ARL5A: variants seen among roughly 807,000 people sequenced by gnomAD.
ARL5A encodes ARF like GTPase 5A.
Under a neutral mutation model 25.9 loss-of-function variants are expected in ARL5A, and 18 were observed. The ratio of observed to expected loss-of-function variants is 0.69; its 90% CI spans 0.48 to 1.03. The LOEUF is 1.03. Ranked by LOEUF, ARL5A falls within the 50% of genes least tolerant of loss-of-function variation. ARL5A has a pLI of 0.00. For missense variants in ARL5A, 170 were observed against 211.9 expected (o/e 0.80, Z 1.23); for synonymous variants, 61 against 67.5 (o/e 0.90, Z 0.47).
rs945766890 is a variant in ARL5A, at chr2:151,823,335, C to T, written c.46+4796G>A. ...AATTTTTAAAACTTAAAAGTCTTAA[C>T]AATAAAAAGAAAGTTTGAAAATAAA... On this transcript the variant is annotated intron_variant, in intron 1 of 5. Coordinates refer to ENST00000295087, the MANE Select transcript of ARL5A (RefSeq NM_012097.4). 6.6e-5 allele frequency among the ~76,000 whole-genome samples: 10 copies of T among 151,114 alleles called. No homozygotes were observed. The East Asian group carries it at 1.9e-3, about 29-fold the overall frequency.
chr2:151,808,961 T>C (rs2099830467), intron 4 of ARL5A, among the ~76,000 whole-genome samples: 1 of 152,108 alleles, frequency 6.6e-6, no homozygotes, highest in Non-Finnish European at 1.5e-5. Flanking sequence ...GGGATGAGAA[T>C]AGCTTGAACC....
chr2:151,827,954 C>G, intron 1 of ARL5A, 177 bp downstream of exon 1: 1 of 624,668 alleles, frequency 1.6e-6, no homozygotes. Flanking sequence ...AGGAACCATC[C>G]CCAAGCTCGG....
intron 1 of ARL5A, among the ~76,000 whole-genome samples, chr2:151,819,924 C>T (rs1488378625): frequency 4.6e-5 from 7 of 152,134 alleles, no homozygotes; most frequent in African/African-American, 1.2e-4. Flanking sequence ...GGCATGGTGG[C>T]GTGAGCCTAT....
intron 1 of ARL5A, chr2:151,827,844 G>A (rs1484800951): frequency 2.2e-6 from 1 of 461,432 alleles, no homozygotes. Context: ...GTCGGACCTA[G>A]GGCAAGAAAC....
chr2:151,803,693 G>A (rs567846052), intron 5 of ARL5A, among the ~76,000 whole-genome samples: 6 of 152,178 alleles, frequency 3.9e-5, no homozygotes, highest in African/African-American at 1.4e-4. Context: ...TGCTCTTTTG[G>A]TTCAGTTATA....
rs1255286134 is a variant in ARL5A at position 151,800,937 on chromosome 2, C to G, written c.*2339G>C. ...CATATTAAAAACCCAAAAGCATCTC[C>G]CTCTGCTTAATTCCACTTAAACTAC... On this transcript the variant is annotated 3_prime_UTR_variant, in exon 6 of 6. Transcript: ENST00000295087. 6.6e-6 allele frequency: 1 copy of G among 152,542 alleles called. No homozygotes were observed. The highest frequency in any genetic ancestry group is 1.9e-4 in the East Asian group (1 of 5,200). The allele number at this position is 152,542 out of a possible 1,614,324, so 9.4% of individuals were successfully genotyped here.
At chr2:151,809,322 C>T (rs910697862) in intron 4 of ARL5A, among the ~76,000 whole-genome samples, 2 of 152,036 alleles carry the variant, frequency 1.3e-5, no homozygotes, top group African/African-American at 2.4e-5. Context: ...TTTGTAGAAG[C>T]CCCTGAACTG....
At position 151,800,997 on chromosome 2, in the gene ARL5A, T is replaced by C. The variant is rs567671409; in HGVS notation, c.*2279A>G. On this transcript the variant is annotated 3_prime_UTR_variant, in exon 6 of 6. Transcript: ENST00000295087. ...GCCAATATGACTTTTCACCAGCTTC[T>C]CCATTTTATTTGAAAATAATACTTT... is the stretch of plus-strand genomic sequence containing the variant. The C allele has an allele frequency of 4.8e-4, 73 of 152,730 alleles. No individual in the cohort carries two copies. Among genetic ancestry groups the C allele is most frequent in the African/African-American group, 1.5e-3 (61 of 41,566 alleles). 9.5% of individuals were successfully genotyped at this position (152,730 alleles called of 1,614,324 possible).
chr2:151,809,871 C>T (rs1341046931), intron 4 of ARL5A, among the ~76,000 whole-genome samples: 1 of 152,190 alleles, frequency 6.6e-6, no homozygotes, highest in Non-Finnish European at 1.5e-5. Flanking sequence ...CACCTGAGGT[C>T]AGGAGTTCGA....
chr2:151,822,504 C>T (rs2099832477), intron 1 of ARL5A, among the ~76,000 whole-genome samples: 1 of 152,240 alleles, frequency 6.6e-6, no homozygotes. Context: ...CTCACCACCA[C>T]AGCCTGTTCC....
At chr2:151,809,305 G>T (rs957584478) in intron 4 of ARL5A, among the ~76,000 whole-genome samples, 3 of 152,132 alleles carry the variant, frequency 2.0e-5, no homozygotes, top group Non-Finnish European at 4.4e-5. Flanking sequence ...TCTTAATGAT[G>T]AAATTATTTG....
intron 3 of ARL5A, 41 bp downstream of exon 3, chr2:151,814,128 C>A: frequency 6.7e-7 from 1 of 1,496,472 alleles, no homozygotes; most frequent in Non-Finnish European, 8.9e-7. Flanking sequence ...GTTTTCCAAG[C>A]ATTCTGTTTA....
In ARL5A at chr2:151,816,995, G is replaced by C. The variant is rs1047759247; in HGVS notation, c.47-1796C>G. On this transcript the variant is annotated intron_variant, in intron 1 of 5. Transcript: ENST00000295087. The stretch of plus-strand genomic sequence containing the variant: ...AGGTTAGGTGTAATAAATGTGTTTT[G>C]ACTTAAGTTACTTTCAACTTACAAC... Among the ~76,000 whole-genome samples the C allele has an allele frequency of 2.6e-5, 4 of 152,160 alleles. No homozygotes were observed. In the East Asian group the frequency reaches 7.7e-4, roughly 29 times the overall value.
chr2:151,815,445 A>G (rs2099831374), intron 1 of ARL5A, among the ~76,000 whole-genome samples: 1 of 152,212 alleles, frequency 6.6e-6, no homozygotes, highest in African/African-American at 2.4e-5. Flanking sequence ...CTCTCTAGGA[A>G]GCCATGGCAC....
Position 151,800,111 on chromosome 2 carries a change from C to G in ARL5A, c.*3165G>C, listed in dbSNP as rs1024073024. On this transcript the variant is annotated 3_prime_UTR_variant, in exon 6 of 6. Coordinates refer to ENST00000295087, the MANE Select transcript of ARL5A (RefSeq NM_012097.4). ...ATGATGTGGTATTATCTCCTGTATA[C>G]AAAGCAGAGCCTATTACACGTACAT... 1.3e-5 allele frequency: 2 copies of G among 152,156 alleles called. No individual in the cohort carries two copies. The highest frequency in any genetic ancestry group is 6.5e-5 in the Admixed American group (1 of 15,272). 9.4% of individuals were successfully genotyped at this position (152,156 alleles called of 1,614,324 possible).
intron 1 of ARL5A, among the ~76,000 whole-genome samples, chr2:151,820,683 A>AAAAAAAAG: frequency 1.3e-5 from 2 of 150,896 alleles, no homozygotes; most frequent in African/African-American, 2.4e-5. Context: ...AAAAAAAAAA[A>AAAAAAAAG]AACAGAATCC....
intron 4 of ARL5A, among the ~76,000 whole-genome samples, chr2:151,810,827 T>C (rs1288023875): frequency 6.6e-6 from 1 of 152,168 alleles, no homozygotes; most frequent in African/African-American, 2.4e-5. Flanking sequence ...AAGTAAAAGA[T>C]ATAGTCCAGA....
intron 5 of ARL5A, among the ~76,000 whole-genome samples, chr2:151,803,917 CATTA>C (rs1350668741): frequency 6.6e-6 from 1 of 152,018 alleles, no homozygotes; most frequent in African/African-American, 2.4e-5. Flanking sequence ...CAAAACTGTT[CATTA>C]AAGTACTTTT....
chr2:151,810,526 T>C (rs2099830697), intron 4 of ARL5A: 1 of 440,558 alleles, frequency 2.3e-6, no homozygotes, highest in Middle Eastern at 3.3e-4. Context: ...TCCTTTCACT[T>C]TCCAACTAGG....
Sources: allele counts gnomAD v4.1 joint callset (sites outside exome capture counted in the v4.1 genomes callset), GRCh38; gene constraint gnomAD v4.1.1; transcripts MANE v1.5; gene names NCBI Gene and HGNC (gene_info 2026-07-23, HGNC 2026-07-21).